ZFAND1: variants seen among roughly 807,000 people sequenced by gnomAD.
ZFAND1 encodes AN1-type zinc finger protein 1.
A neutral mutation model predicts 38.5 loss-of-function variants in ZFAND1; 40 were observed. The ratio of observed to expected loss-of-function variants is 1.04; its 90% CI spans 0.81 to 1.35. The LOEUF (loss-of-function observed/expected upper bound fraction) is 1.35, where lower values mean the gene tolerates loss of function less well. Ranked by LOEUF, ZFAND1 falls within the 40% of genes most tolerant of loss-of-function variation. ZFAND1 has a pLI of 0.00. For missense variants in ZFAND1, 346 were observed against 316.3 expected, an observed-to-expected ratio of 1.09 and a Z score of -0.71; for synonymous variants, 117 against 103.6, an observed-to-expected ratio of 1.13 and a Z score of -0.78.
At chr8:81,714,166 A>G in intron 5 of ZFAND1, 127 bp from the exon 6 acceptor site, 1 of 859,870 alleles carries the variant, frequency 1.2e-6, no homozygotes, top group Non-Finnish European at 1.7e-6. Context: ...TACAGAGACC[A>G]CATTCATTGT....
In ZFAND1 at chr8:81,702,648, A is replaced by C. The variant is rs780505409; in HGVS notation, c.*47T>G. On this transcript the variant is annotated 3_prime_UTR_variant, in exon 8 of 8. Coordinates refer to ENST00000220669, the MANE Select transcript of ZFAND1 (RefSeq NM_024699.3). ...TGTAGTAAAATAAATGGACTTAAAC[A>C]TGTAATAGAATTTTCCCTGTGATTT... 1.5e-6 allele frequency: 2 copies of C among 1,379,154 alleles called. No homozygotes were observed. Among genetic ancestry groups the C allele is most frequent in the East Asian group, 5.2e-5 (2 of 38,382 alleles). The allele number at this position is 1,379,154 out of a possible 1,614,324, so 85.4% of individuals were successfully genotyped here. A position where few individuals can be genotyped will look rare whatever the true frequency, so the allele number is the denominator to read the frequency against.
chr8:81,719,228 G>A (rs1471618117), intron 1 of ZFAND1, among the ~76,000 whole-genome samples: 9 of 151,596 alleles, frequency 5.9e-5, no homozygotes, highest in Admixed American at 1.3e-4. Context: ...CAGCACTTTG[G>A]GAGGCCGAGG....
rs1036748865 is a variant in ZFAND1, at chr8:81,721,289, G to A, written c.-8C>T. The A allele has an allele frequency of 1.3e-6, 2 of 1,548,146 alleles. No homozygotes were observed. The highest frequency in any genetic ancestry group is 1.7e-6 in the Non-Finnish European group (2 of 1,146,938). The stretch of plus-strand genomic sequence containing the variant: ...GATGTCCAACTCCGCCATCTCTCCG[G>A]CGCCGTAAGGGGCGGGGCAAAGCCT... On this transcript the variant is annotated 5_prime_UTR_variant, in exon 1 of 8. Coordinates refer to ENST00000220669, the MANE Select transcript of ZFAND1 (RefSeq NM_024699.3).
chr8:81,721,029 G>C (rs1446415405), intron 1 of ZFAND1, 198 bp downstream of exon 1: 4 of 586,652 alleles, frequency 6.8e-6, no homozygotes, highest in Middle Eastern at 4.5e-4. Flanking sequence ...GAGACCACAC[G>C]TCATTTCAAA....
rs759922306 is a variant in ZFAND1, at chr8:81,721,244, T to G, written c.38A>C (p.Glu13Ala). ...CGGATCACCTCGCTGCCGGCAATGCTCCACCTGGCAGTGCTGCCCGATGTC... is the reference window on the plus strand; with the variant it reads ...CGGATCACCTCGCTGCCGGCAATGCGCCACCTGGCAGTGCTGCCCGATGTC... ...ELDIGQHCQV[E>A]HCRQRDFLPF... Residue 13 changes from glutamate to alanine, a missense_variant, in exon 1 of 8, where the codon GAG becomes GCG. Glu to Ala is a moderately radical substitution (Grantham distance 107). Transcript: ENST00000220669. 1.4e-5 allele frequency: 22 copies of G among 1,549,084 alleles called. No individual in the cohort carries two copies. The highest frequency in any genetic ancestry group is 3.6e-5 in the South Asian group (3 of 84,028).
At chr8:81,709,168 G>A (rs1433286494) in intron 6 of ZFAND1, among the ~76,000 whole-genome samples, 2 of 152,102 alleles carry the variant, frequency 1.3e-5, no homozygotes, top group Admixed American at 6.6e-5. Context: ...CACCACAGAA[G>A]AGAATGCAGT....
intron 6 of ZFAND1, among the ~76,000 whole-genome samples, chr8:81,707,925 G>A (rs1808029967): frequency 6.6e-6 from 1 of 152,070 alleles, no homozygotes; most frequent in Admixed American, 6.5e-5. Context: ...CACATCATAT[G>A]CTAATTAAAA....
At chr8:81,703,214 G>T in intron 6 of ZFAND1, 90 bp from the exon 7 acceptor site, 1 of 905,192 alleles carries the variant, frequency 1.1e-6, no homozygotes, top group Non-Finnish European at 1.6e-6. Flanking sequence ...CTTCTGGTCA[G>T]AGCAGAATTA....
intron 3 of ZFAND1, among the ~76,000 whole-genome samples, chr8:81,716,205 A>G (rs1486096769): frequency 6.6e-6 from 1 of 152,230 alleles, no homozygotes; most frequent in East Asian, 1.9e-4. Context: ...GCAGGAATAA[A>G]TGTCCACTGA....
At chr8:81,707,081 C>T (rs1808005672) in intron 6 of ZFAND1, among the ~76,000 whole-genome samples, 1 of 152,126 alleles carries the variant, frequency 6.6e-6, no homozygotes, top group African/African-American at 2.4e-5. Flanking sequence ...AGTGTGAATC[C>T]TTCAGGAATG....
At chr8:81,717,102 T>A in intron 3 of ZFAND1, 147 bp downstream of exon 3, 1 of 527,852 alleles carries the variant, frequency 1.9e-6, no homozygotes, top group Non-Finnish European at 3.2e-6. Flanking sequence ...AAAAATAATA[T>A]AAATGAAGCA....
chr8:81,702,814 T>A lies in ZFAND1; in HGVS notation c.688A>T (p.Thr230Ser), dbSNP rs747512116. The A allele has an allele frequency of 3.7e-6, 6 of 1,609,134 alleles. No homozygotes were observed. In the African/African-American group the frequency reaches 8.0e-5, roughly 22 times the overall value. Residue 230 changes from threonine (T) to serine (S), a missense_variant, in exon 8 of 8, where the codon ACT becomes TCT. By Grantham distance (58) the Thr-to-Ser change is moderately conservative. Transcript: ENST00000220669. The stretch of plus-strand genomic sequence containing the variant: ...TCCTTAGCAATCCAGGTTTCCAAAG[T>A]ATGATCCAAGGGTAAGGCTTCTCCT... ...TSGEALPLDHTLETWIAKEDC... is the reference protein window; with the variant it reads ...TSGEALPLDHSLETWIAKEDC...
chr8:81,715,461 C>G (rs897452745), intron 3 of ZFAND1, among the ~76,000 whole-genome samples: 1 of 152,054 alleles, frequency 6.6e-6, no homozygotes, highest in Admixed American at 6.6e-5. Flanking sequence ...GCAAGTCAAC[C>G]TAATTTCCAC....
Position 81,714,890 on chromosome 8 carries a change from C to A in ZFAND1, c.272G>T (p.Arg91Leu). Residue 91 changes from arginine to leucine, a missense_variant, in exon 5 of 8, where the codon CGT becomes CTT. Physicochemically the swap from Arg to Leu is moderately radical, Grantham distance 102. Coordinates refer to ENST00000220669, the MANE Select transcript of ZFAND1 (RefSeq NM_024699.3). The part of the protein sequence containing the change: ...YCEKNFCLRH[R>L]HQSDHECEKL... Reference sequence around the variant, plus strand: ...TTCACACTCATGATCTGACTGATGACGGTGTCTATGAGCAACAGAAGAGTG... The same window carrying A: ...TTCACACTCATGATCTGACTGATGAAGGTGTCTATGAGCAACAGAAGAGTG... The A allele has an allele frequency of 6.2e-7, 1 of 1,613,970 alleles. No individual in the cohort carries two copies. Among genetic ancestry groups the A allele is most frequent in the Non-Finnish European group, 8.5e-7 (1 of 1,179,938 alleles).
In ZFAND1 at chr8:81,717,303, G is replaced by T. The variant is rs1247367848; in HGVS notation, c.99-15C>A. ...TGTGTTCAAGGCTTAAATAATAATA[G>T]CAAGTGTTTATTTAAATAACATACT... On this transcript the variant is annotated splice_polypyrimidine_tract_variant and intron_variant, in intron 2 of 7. Coordinates refer to ENST00000220669, the MANE Select transcript of ZFAND1 (RefSeq NM_024699.3). 2.0e-6 allele frequency: 3 copies of T among 1,509,946 alleles called. No individual in the cohort carries two copies. The highest frequency in any genetic ancestry group is 2.6e-6 in the Non-Finnish European group (3 of 1,138,026). The allele number at this position is 1,509,946 out of a possible 1,614,324, so 93.5% of individuals were successfully genotyped here. A position where few individuals can be genotyped will look rare whatever the true frequency, so the allele number is the denominator to read the frequency against.
chr8:81,714,434 T>G (rs995548669), intron 5 of ZFAND1: 10 of 258,776 alleles, frequency 3.9e-5, no homozygotes, highest in African/African-American at 2.0e-4. Flanking sequence ...GATACATTCA[T>G]TCCTGGTATC....
intron 1 of ZFAND1, among the ~76,000 whole-genome samples, chr8:81,719,186 G>C (rs1808399212): frequency 6.6e-6 from 1 of 151,714 alleles, no homozygotes. Context: ...GTACTGCAAG[G>C]GGCCAGGCAC....
chr8:81,706,185 TA>T (rs1477556392), intron 6 of ZFAND1, among the ~76,000 whole-genome samples: 1 of 151,934 alleles, frequency 6.6e-6, no homozygotes, highest in African/African-American at 2.4e-5. Flanking sequence ...GTTCCTCCAA[TA>T]ATAGATGACA....
chr8:81,711,491 C>A (rs1178606284), intron 6 of ZFAND1, among the ~76,000 whole-genome samples: 3 of 152,020 alleles, frequency 2.0e-5, no homozygotes, highest in African/African-American at 7.2e-5. Flanking sequence ...AGAGAAAAAT[C>A]TAAACAAAGC....
Sources: gnomAD v4.1 joint callset for allele counts (sites outside exome capture counted in the v4.1 genomes callset) on GRCh38, gnomAD v4.1.1 for gene constraint, MANE v1.5 for transcripts, NCBI Gene and HGNC (gene_info 2026-07-23, HGNC 2026-07-21) for gene names.